The following NAV2 variants were observed in gnomAD, a reference collection of about 807,000 sequenced individuals.
NAV2 encodes the protein neuron navigator 2.
Under a neutral mutation model 223.2 loss-of-function variants are expected in NAV2, and 54 were observed. That is an observed-to-expected ratio of 0.24 (90% CI 0.19 to 0.30). The LOEUF is 0.30. Among genes scored for constraint, NAV2 ranks in the 10% least tolerant of loss-of-function variants. NAV2 has a pLI of 1.00. For missense variants in NAV2, 2,806 were observed against 3,147.5 expected (o/e 0.89, Z 2.60); for synonymous variants, 1,279 against 1,239.3 (o/e 1.03, Z -0.67).
intron 5 of NAV2, among the ~76,000 whole-genome samples, chr11:19,885,382 C>T (rs528231034): frequency 6.6e-6 from 1 of 152,338 alleles, no homozygotes; most frequent in African/African-American, 2.4e-5. Context: ...GTTGTTGAGG[C>T]TGCTTTTTAA....
intron 6 of NAV2, among the ~76,000 whole-genome samples, chr11:19,918,488 G>A (rs907823867): frequency 3.5e-4 from 54 of 152,172 alleles, no homozygotes; most frequent in African/African-American, 7.2e-4. Flanking sequence ...ATAAATTCAC[G>A]ACGTGCAACT....
intron 1 of NAV2, among the ~76,000 whole-genome samples, chr11:19,391,151 C>A (rs1447652531): frequency 6.6e-6 from 1 of 152,188 alleles, no homozygotes; most frequent in Non-Finnish European, 1.5e-5. Context: ...CCTCCTGCTG[C>A]CCCGGTCTCT....
At chr11:19,810,907 A>C (rs1290174995) in intron 1 of NAV2, among the ~76,000 whole-genome samples, 1 of 152,158 alleles carries the variant, frequency 6.6e-6, no homozygotes, top group Non-Finnish European at 1.5e-5. Flanking sequence ...ATCTTTTTAT[A>C]ATATCTTTAT....
intron 1 of NAV2, among the ~76,000 whole-genome samples, chr11:19,522,892 C>A (rs2043711873): frequency 6.6e-6 from 1 of 152,218 alleles, no homozygotes; most frequent in Non-Finnish European, 1.5e-5. Context: ...CCAGCCCCAA[C>A]CTACCTCCGG....
Position 19,606,027 on chromosome 11 carries a change from A to C in NAV2, c.76-226457A>C, listed in dbSNP as rs190523802. ...CGGGATTAGTGAGGGGTCTGCATTC[A>C]AGACTGGTTTTGAACTATATAATTT... On this transcript the variant is annotated intron_variant, in intron 1 of 37. Coordinates refer to the NAV2 transcript ENST00000360655. Among the ~76,000 whole-genome samples, 676 of 152,306 alleles carry C rather than the reference A, an allele frequency of 4.4e-3. 7 individuals carry two copies. The highest frequency in any genetic ancestry group is 0.014 in the African/African-American group (580 of 41,552).
intron 6 of NAV2, among the ~76,000 whole-genome samples, chr11:19,905,487 C>T (rs1307442339): frequency 2.6e-5 from 4 of 152,130 alleles, no homozygotes; most frequent in African/African-American, 9.7e-5. Context: ...GGACAGAGTC[C>T]AGGAAGAGCC....
chr11:20,090,072 G>T (rs759208458), intron 26 of NAV2, among the ~76,000 whole-genome samples: 1 of 152,170 alleles, frequency 6.6e-6, no homozygotes, highest in Non-Finnish European at 1.5e-5. Flanking sequence ...ACTAAAGAAG[G>T]TTGATCTGTC....
intron 10 of NAV2, among the ~76,000 whole-genome samples, chr11:19,973,407 A>G (rs1348089736): frequency 6.6e-6 from 1 of 152,188 alleles, no homozygotes; most frequent in African/African-American, 2.4e-5. Flanking sequence ...CAGGAATGAT[A>G]AGACTTACCA....
chr11:19,944,511 T>C (rs2046680903), intron 8 of NAV2, among the ~76,000 whole-genome samples: 1 of 150,068 alleles, frequency 6.7e-6, no homozygotes, highest in East Asian at 2.0e-4. Flanking sequence ...TCTTTCCCCT[T>C]TCCCCTTTCC....
intron 6 of NAV2, among the ~76,000 whole-genome samples, chr11:19,913,284 C>T (rs1346568121): frequency 6.6e-6 from 1 of 152,152 alleles, no homozygotes; most frequent in Non-Finnish European, 1.5e-5. Context: ...AAGGACCTCC[C>T]TCTTCTGCCC....
At chr11:20,027,495 CTGCGCAGTGTG>C in intron 11 of NAV2, 1 of 979,572 alleles carries the variant, frequency 1.0e-6, no homozygotes, top group Non-Finnish European at 1.2e-6. Flanking sequence ...CTGGTCACAG[CTGCGCAGTGTG>C]AGCTTAGTCA....
chr11:19,530,022 A>C (rs1465236740), intron 1 of NAV2, among the ~76,000 whole-genome samples: 1 of 152,136 alleles, frequency 6.6e-6, no homozygotes, highest in Non-Finnish European at 1.5e-5. Context: ...CCCTTCCCCC[A>C]GTGGAAACCA....
At chr11:19,376,742 T>A (rs1339293874) in intron 1 of NAV2, among the ~76,000 whole-genome samples, 1 of 152,112 alleles carries the variant, frequency 6.6e-6, no homozygotes, top group African/African-American at 2.4e-5. Flanking sequence ...TGCTCAGACA[T>A]TAGCACTGGG....
intron 1 of NAV2, among the ~76,000 whole-genome samples, chr11:19,407,455 C>T (rs1384403459): frequency 6.6e-6 from 1 of 152,122 alleles, no homozygotes; most frequent in Non-Finnish European, 1.5e-5. Context: ...AGATATAGCC[C>T]GAGGGTGGAA....
intron 1 of NAV2, among the ~76,000 whole-genome samples, chr11:19,388,990 CA>C (rs1382264486): frequency 4.6e-5 from 7 of 152,186 alleles, no homozygotes; most frequent in Non-Finnish European, 8.8e-5. Context: ...ACTCAGTCTT[CA>C]ATAGTTCACT....
intron 8 of NAV2, 36 bp from the exon 9 acceptor site, chr11:19,946,365 A>G (rs748010229): frequency 3.8e-6 from 6 of 1,570,702 alleles, no homozygotes; most frequent in Non-Finnish European, 4.3e-6. Context: ...ATGGTTGGTC[A>G]GAGAATTAAA....
At chr11:19,491,177 G>A (rs1384406984) in intron 1 of NAV2, among the ~76,000 whole-genome samples, 1 of 152,100 alleles carries the variant, frequency 6.6e-6, no homozygotes, top group Non-Finnish European at 1.5e-5. Context: ...AGGATTTTCA[G>A]GGTAGTAAAT....
intron 9 of NAV2, among the ~76,000 whole-genome samples, chr11:19,947,746 C>G (rs1255941916): frequency 1.3e-5 from 2 of 152,240 alleles, no homozygotes; most frequent in African/African-American, 2.4e-5. Context: ...TGGGCAGATT[C>G]TAGTCCATGT....
intron 1 of NAV2, among the ~76,000 whole-genome samples, chr11:19,387,654 C>G (rs1849094563): frequency 6.6e-6 from 1 of 152,056 alleles, no homozygotes. Flanking sequence ...CCCAGAGAGT[C>G]CCAGAGACTG....
Sources: gnomAD v4.1 joint callset for allele counts (sites outside exome capture counted in the v4.1 genomes callset) on GRCh38, gnomAD v4.1.1 for gene constraint, MANE v1.5 for transcripts, NCBI Gene and HGNC (gene_info 2026-07-23, HGNC 2026-07-21) for gene names.